HMBOX1: variants seen among roughly 807,000 people sequenced by gnomAD.
HMBOX1 encodes the protein homeobox containing 1.
In HMBOX1, 14 loss-of-function variants were observed where a neutral mutation model predicts 54.5. That is an observed-to-expected ratio of 0.26 (90% confidence interval 0.17 to 0.40). The LOEUF (loss-of-function observed/expected upper bound fraction) is 0.40, where lower values mean the gene tolerates loss of function less well. Among genes scored for constraint, HMBOX1 ranks in the 10% least tolerant of loss-of-function variants. HMBOX1 has a pLI of 1.00. For synonymous variants in HMBOX1, 160 were observed against 181.0 expected (o/e 0.88, Z 0.93); for missense variants, 332 against 514.4 (o/e 0.65, Z 3.43).
chr8:28,905,222 A>G (rs561599680), intron 1 of HMBOX1, among the ~76,000 whole-genome samples: 1 of 152,336 alleles, frequency 6.6e-6, no homozygotes, highest in South Asian at 2.1e-4. Flanking sequence ...GTAGGAACTG[A>G]AGGGTTTTTT....
At chr8:28,973,813 T>TTTTTTTTTTTTTTTTTTTG (rs1827892661) in intron 3 of HMBOX1, among the ~76,000 whole-genome samples, 3 of 35,028 alleles carry the variant, frequency 8.6e-5, no homozygotes, top group East Asian at 5.2e-4. Context: ...GTTTTTTTTT[T>TTTTTTTTTTTTTTTTTTTG]TTTTTTTTTT....
chr8:28,979,388 G>A (rs1005528352), intron 3 of HMBOX1, among the ~76,000 whole-genome samples: 60 of 152,250 alleles, frequency 3.9e-4, no homozygotes, highest in Admixed American at 2.2e-3. Flanking sequence ...GGTCTATAAT[G>A]TATTCCCATG....
chr8:29,005,742 A>G (rs1023037989), intron 4 of HMBOX1, among the ~76,000 whole-genome samples: 11 of 152,262 alleles, frequency 7.2e-5, no homozygotes, highest in African/African-American at 2.6e-4. Flanking sequence ...TCTCCCTCCT[A>G]CATGGGTAAC....
rs570826543 is a variant in HMBOX1, at chr8:29,050,736, C to T, written c.1126-282C>T. ...TTATATCAATCACTGCAGGTTTGAT[C>T]ATCATCACCAGCAATCTTATTAATA... On this transcript the variant is annotated intron_variant, in intron 9 of 9. Transcript: ENST00000287701. 26 of 395,910 alleles carry T rather than the reference C, an allele frequency of 6.6e-5. No homozygotes were observed. In the East Asian group the frequency reaches 1.2e-3, roughly 18 times the overall value. 24.5% of individuals were successfully genotyped at this position (395,910 alleles called of 1,614,324 possible).
At chr8:28,892,545 A>G (rs1261624921) in intron 1 of HMBOX1, among the ~76,000 whole-genome samples, 2 of 152,168 alleles carry the variant, frequency 1.3e-5, no homozygotes, top group Non-Finnish European at 2.9e-5. Flanking sequence ...AAACTTATCA[A>G]TTCTTGAATC....
At chr8:28,973,380 T>G (rs568625160) in intron 3 of HMBOX1, among the ~76,000 whole-genome samples, 1 of 152,320 alleles carries the variant, frequency 6.6e-6, no homozygotes, top group Non-Finnish European at 1.5e-5. Context: ...TTTAATAAGA[T>G]TTTAGGAAAG....
intron 4 of HMBOX1, among the ~76,000 whole-genome samples, chr8:28,991,889 T>G (rs1831033328): frequency 6.6e-6 from 1 of 152,186 alleles, no homozygotes; most frequent in Non-Finnish European, 1.5e-5. Flanking sequence ...AGGGTTTGTA[T>G]TTTTAGCTAT....
intron 8 of HMBOX1, 49 bp from the exon 9 acceptor site, chr8:29,048,905 T>C: frequency 2.4e-6 from 3 of 1,253,920 alleles, no homozygotes; most frequent in Non-Finnish European, 2.3e-6. Context: ...GTTTCAGCCA[T>C]TGTGATAAGG....
chr8:28,976,500 C>T (rs944763008), intron 3 of HMBOX1, among the ~76,000 whole-genome samples: 2 of 152,118 alleles, frequency 1.3e-5, no homozygotes, highest in African/African-American at 4.8e-5. Context: ...ATTTTCCTGT[C>T]TCAGCCTCCC....
intron 7 of HMBOX1, among the ~76,000 whole-genome samples, chr8:29,045,682 G>A (rs1473661622): frequency 6.6e-6 from 1 of 152,132 alleles, no homozygotes; most frequent in Admixed American, 6.6e-5. Flanking sequence ...CCCTACATGA[G>A]ATATGAGACC....
At chr8:28,977,277 C>T (rs1828561466) in intron 3 of HMBOX1, among the ~76,000 whole-genome samples, 1 of 151,944 alleles carries the variant, frequency 6.6e-6, no homozygotes, top group South Asian at 2.1e-4. Context: ...GTCAAAAAAC[C>T]CATTTAATTC....
At position 28,921,329 on chromosome 8, in the gene HMBOX1, C is replaced by T. The variant is rs550563419; in HGVS notation, c.-58+30651C>T. Among the ~76,000 whole-genome samples, 9 of 152,306 alleles carry T rather than the reference C, an allele frequency of 5.9e-5. No homozygotes were observed. The East Asian group carries it at 1.7e-3, about 29-fold the overall frequency. On this transcript the variant is annotated intron_variant, in intron 1 of 9. Coordinates refer to ENST00000287701, the MANE Select transcript of HMBOX1 (RefSeq NM_001135726.3). ...CCAGCCTGGGCAACAGAGTGAGACC[C>T]TGTCTCAATCATACCTAAACCAAAA...
chr8:28,975,583 T>C (rs1828229411), intron 3 of HMBOX1, among the ~76,000 whole-genome samples: 2 of 152,164 alleles, frequency 1.3e-5, no homozygotes, highest in African/African-American at 2.4e-5. Flanking sequence ...TGGCAATGAC[T>C]TGAAAAAGGG....
intron 6 of HMBOX1, among the ~76,000 whole-genome samples, chr8:29,023,850 T>C (rs1229444682): frequency 6.6e-6 from 1 of 152,162 alleles, no homozygotes; most frequent in African/African-American, 2.4e-5. Context: ...CGAGGAGCTT[T>C]TAAAACTATC....
chr8:28,953,584 G>T (rs1284149110), intron 1 of HMBOX1, among the ~76,000 whole-genome samples: 5 of 150,246 alleles, frequency 3.3e-5, no homozygotes, highest in Non-Finnish European at 7.4e-5. Flanking sequence ...TTTTCCAGTG[G>T]TTAAGCCTTT....
intron 1 of HMBOX1, among the ~76,000 whole-genome samples, chr8:28,939,006 G>C (rs1024472869): frequency 1.3e-5 from 2 of 152,032 alleles, no homozygotes; most frequent in African/African-American, 4.8e-5. Context: ...AAAAACAAAA[G>C]AAGCCAGGTG....
At chr8:29,034,075 T>C (rs1250161403) in intron 6 of HMBOX1, among the ~76,000 whole-genome samples, 1 of 152,220 alleles carries the variant, frequency 6.6e-6, no homozygotes, top group Non-Finnish European at 1.5e-5. Context: ...GAAATCATTA[T>C]TGTTATACTA....
intron 1 of HMBOX1, among the ~76,000 whole-genome samples, chr8:28,904,258 T>TG (rs1813812831): frequency 6.6e-6 from 1 of 151,736 alleles, no homozygotes; most frequent in Admixed American, 6.6e-5. Context: ...TCTTTTTTTT[T>TG]TTTTTTTTGA....
chr8:28,955,970 A>AGAAAG (rs1554543219), intron 1 of HMBOX1: 1 of 140,716 alleles, frequency 7.1e-6, no homozygotes, highest in African/African-American at 2.7e-5. Flanking sequence ...AAAAAAAAAA[A>AGAAAG]AAATTGGAAA....
Sources: allele counts gnomAD v4.1 joint callset (sites outside exome capture counted in the v4.1 genomes callset), GRCh38; gene constraint gnomAD v4.1.1; transcripts MANE v1.5; gene names NCBI Gene and HGNC (gene_info 2026-07-23, HGNC 2026-07-21).